The following TRAPPC12 variants were observed in gnomAD, a reference collection of about 807,000 sequenced individuals.
TRAPPC12 encodes the protein trafficking protein particle complex subunit 12, also known as TPR repeat protein 15.
TRAPPC12 carries 61 observed loss-of-function variants against 69.2 expected under a neutral mutation model. The observed-to-expected ratio is 0.88, with a 90% CI of 0.72 to 1.09. TRAPPC12 has a LOEUF of 1.09. Ranked by LOEUF, TRAPPC12 falls within the 50% of genes least tolerant of loss-of-function variation. TRAPPC12 has a pLI of 0.00. For missense variants in TRAPPC12, 1,101 were observed against 1,016.4 expected, an observed-to-expected ratio of 1.08 and a Z score of -1.13; for synonymous variants, 469 against 438.9, an observed-to-expected ratio of 1.07 and a Z score of -0.86.
chr2:3,461,039 C>CGT (rs1426982302), intron 8 of TRAPPC12: 1 of 152,128 alleles, frequency 6.6e-6, no homozygotes, highest in Non-Finnish European at 1.5e-5. Context: ...GAGCAGTGCT[C>CGT]GTAACACCTC....
At chr2:3,468,348 A>C (rs1425969443) in intron 9 of TRAPPC12, among the ~76,000 whole-genome samples, 1 of 152,028 alleles carries the variant, frequency 6.6e-6, no homozygotes, top group African/African-American at 2.4e-5. Context: ...GTTTGGAACA[A>C]GACAGACCCC....
At chr2:3,423,242 AC>A (rs1274080473) in intron 4 of TRAPPC12, among the ~76,000 whole-genome samples, 2 of 152,198 alleles carry the variant, frequency 1.3e-5, no homozygotes, top group Admixed American at 1.3e-4. Context: ...TTGTATGCAA[AC>A]CCTCAGACCA....
chr2:3,466,553 G>T (rs1219868419), intron 9 of TRAPPC12, among the ~76,000 whole-genome samples: 1 of 152,208 alleles, frequency 6.6e-6, no homozygotes, highest in African/African-American at 2.4e-5. Flanking sequence ...TGAACTCAGG[G>T]CCTGCACTCT....
At chr2:3,449,020 T>G (rs1329668317) in intron 6 of TRAPPC12, among the ~76,000 whole-genome samples, 1 of 152,266 alleles carries the variant, frequency 6.6e-6, no homozygotes, top group Non-Finnish European at 1.5e-5. Flanking sequence ...TTCAGGGTAC[T>G]TCGTTTTATC....
chr2:3,474,829 GGT>G (rs1666229474), intron 9 of TRAPPC12, among the ~76,000 whole-genome samples: 1 of 152,278 alleles, frequency 6.6e-6, no homozygotes, highest in African/African-American at 2.4e-5. Flanking sequence ...GAGCACATGA[GGT>G]GTGCTGTGTG....
At chr2:3,468,578 G>A (rs547560637) in intron 9 of TRAPPC12, among the ~76,000 whole-genome samples, 1 of 152,286 alleles carries the variant, frequency 6.6e-6, no homozygotes, top group Admixed American at 6.5e-5. Flanking sequence ...GATGGGTTGT[G>A]TTTGTTCCGT....
Position 3,383,898 on chromosome 2 carries a change from T to G in TRAPPC12, c.-4-3722T>G, listed in dbSNP as rs1171387420. ...TTTTTTTTTTTTTTTTTTTTTTTTT[T>G]TTTTTTTTTTTTTTGAGATGAAGTT... On this transcript the variant is annotated intron_variant, in intron 1 of 11. Transcript: ENST00000324266. Among the ~76,000 whole-genome samples the G allele has an allele frequency of 2.6e-3, 118 of 45,438 alleles. 2 individuals carry two copies. The highest frequency in any genetic ancestry group is 0.014 in the Middle Eastern group (1 of 74). 29.8% of individuals were successfully genotyped at this position (45,438 alleles called of 152,430 possible).
chr2:3,458,979 A>G (rs1231834797), intron 7 of TRAPPC12, among the ~76,000 whole-genome samples: 1 of 152,246 alleles, frequency 6.6e-6, no homozygotes, highest in African/African-American at 2.4e-5. Flanking sequence ...TAAGCAGCTA[A>G]TGTGTTTTTC....
intron 3 of TRAPPC12, among the ~76,000 whole-genome samples, chr2:3,406,877 A>G (rs763534406): frequency 6.6e-6 from 1 of 152,228 alleles, no homozygotes; most frequent in Non-Finnish European, 1.5e-5. Flanking sequence ...GTTATTAATA[A>G]ATATATACAA....
chr2:3,460,489 A>G (rs896742989), intron 8 of TRAPPC12, among the ~76,000 whole-genome samples, 153 bp downstream of exon 8: 1 of 152,214 alleles, frequency 6.6e-6, no homozygotes, highest in African/African-American at 2.4e-5. Context: ...CCAGTGACAC[A>G]TTATGGGGCT....
intron 8 of TRAPPC12, among the ~76,000 whole-genome samples, chr2:3,465,228 C>T (rs1665742536): frequency 6.6e-6 from 1 of 152,200 alleles, no homozygotes; most frequent in South Asian, 2.1e-4. Flanking sequence ...ACAGCGTTCG[C>T]CAACTCACAT....
At chr2:3,468,180 A>G (rs1665907417) in intron 9 of TRAPPC12, among the ~76,000 whole-genome samples, 1 of 152,022 alleles carries the variant, frequency 6.6e-6, no homozygotes, top group African/African-American at 2.4e-5. Flanking sequence ...CCTGCTGCTC[A>G]GAACTCCCTT....
chr2:3,475,189 C>T (rs1258816788), intron 9 of TRAPPC12, among the ~76,000 whole-genome samples: 1 of 152,118 alleles, frequency 6.6e-6, no homozygotes, highest in Admixed American at 6.5e-5. Flanking sequence ...CTCCTGGGCT[C>T]AAGAGATTCA....
At position 3,414,998 on chromosome 2, in the gene TRAPPC12, A is replaced by G. The variant is rs1455775538; in HGVS notation, c.1165-6883A>G. On this transcript the variant is annotated intron_variant, in intron 3 of 11. Coordinates refer to ENST00000324266, the MANE Select transcript of TRAPPC12 (RefSeq NM_016030.6). This position sits in a 1 kb window ranked among gnomAD's most constrained non-coding sequence, Gnocchi z 4.9. Reference sequence around the variant, plus strand: ...GAATCCACGCGTGTGGAACCTGCAGATACGGAGGACCAACCAAGGACTTGA... The same window carrying G: ...GAATCCACGCGTGTGGAACCTGCAGGTACGGAGGACCAACCAAGGACTTGA... Among the ~76,000 whole-genome samples, 5 of 152,168 alleles carry G rather than the reference A, an allele frequency of 3.3e-5. No individual in the cohort carries two copies. The highest frequency in any genetic ancestry group is 1.2e-4 in the African/African-American group (5 of 41,452).
At chr2:3,424,783 A>G (rs965337352) in intron 5 of TRAPPC12, 120 bp downstream of exon 5, 7 of 1,127,564 alleles carry the variant, frequency 6.2e-6, no homozygotes, top group South Asian at 3.6e-5. Context: ...AAAATCAGAT[A>G]AGTACCCAGC....
intron 5 of TRAPPC12, among the ~76,000 whole-genome samples, chr2:3,432,777 T>C (rs1663510672): frequency 6.6e-6 from 1 of 152,184 alleles, no homozygotes; most frequent in Non-Finnish European, 1.5e-5. Flanking sequence ...GAATTTTCAG[T>C]TTGGGGTTCC....
chr2:3,478,903 G>C lies in TRAPPC12; in HGVS notation c.1935G>C (p.Glu645Asp). 6.2e-7 allele frequency: 1 copy of C among 1,614,200 alleles called. No individual in the cohort carries two copies. The highest frequency in any genetic ancestry group is 8.5e-7 in the Non-Finnish European group (1 of 1,180,046). ...NFAEAHRFFT[E>D]ILRMDPRNAV... is the part of the protein sequence containing the mutation. ...CAGAAGCCCACAGGTTCTTCACAGA[G>C]ATCTTAAGGATGGATCCAAGAAACG... is the stretch of plus-strand genomic sequence containing the variant. Residue 645 changes from glutamate to aspartate, a missense_variant, in exon 11 of 12, where the codon GAG becomes GAC. Physicochemically the swap from Glu to Asp is conservative, Grantham distance 45 (BLOSUM62 2). Coordinates refer to ENST00000324266, the MANE Select transcript of TRAPPC12 (RefSeq NM_016030.6).
chr2:3,465,668 C>T lies in TRAPPC12; in HGVS notation c.1749C>T (p.Leu583=), dbSNP rs1665775019. The part of the protein sequence containing the change: ...KYYPEQEPQL[L]SGIGRISLQI... ...ACCCAGAGCAAGAGCCCCAGCTGCT[C>T]AGCGGCATCGGCCGGATTTCCCTGC... The change falls in exon 9 of 12, where the codon CTC becomes CTT. Residue 583 remains leucine, a synonymous_variant. Coordinates refer to ENST00000324266, the MANE Select transcript of TRAPPC12 (RefSeq NM_016030.6). The T allele has an allele frequency of 3.1e-6, 5 of 1,614,170 alleles. No homozygotes were observed. Among genetic ancestry groups the T allele is most frequent in the Non-Finnish European group, 4.2e-6 (5 of 1,179,996 alleles).
intron 2 of TRAPPC12, among the ~76,000 whole-genome samples, chr2:3,398,820 T>C (rs10165099): frequency 0.62 from 93,991 of 152,104 alleles, 29,297 homozygotes; most frequent in African/African-American, 0.69. Context: ...ATTCATGTGT[T>C]TCCTTCGTGT....
Sources: allele counts gnomAD v4.1 joint callset (sites outside exome capture counted in the v4.1 genomes callset), GRCh38; gene constraint gnomAD v4.1.1; non-coding constraint Gnocchi (gnomAD v3.1); transcripts MANE v1.5; gene names NCBI Gene and HGNC (gene_info 2026-07-23, HGNC 2026-07-21).